The following SLC2A13 variants were observed in gnomAD, a reference collection of about 807,000 sequenced individuals.
The protein encoded by SLC2A13 is solute carrier family 2 member 13.
In SLC2A13, 32 loss-of-function variants were observed where a neutral mutation model predicts 64.4. The ratio of observed to expected loss-of-function variants is 0.50; its 90% CI spans 0.37 to 0.67. The LOEUF is 0.67. SLC2A13 is among the 30% of genes least tolerant of loss of function. The pLI, the probability that SLC2A13 is intolerant of heterozygous loss-of-function variation, is 0.00. For synonymous variants in SLC2A13, 338 were observed against 327.1 expected (o/e 1.03, Z -0.36); for missense variants, 743 against 829.2 (o/e 0.90, Z 1.28).
intron 7 of SLC2A13, among the ~76,000 whole-genome samples, chr12:39,785,611 C>A (rs1941158246): frequency 6.6e-6 from 1 of 152,088 alleles, no homozygotes; most frequent in African/African-American, 2.4e-5. Context: ...TCCTCCAGAC[C>A]CCAGAATGGT....
intron 9 of SLC2A13, among the ~76,000 whole-genome samples, chr12:39,761,855 A>G (rs890249484): frequency 1.3e-5 from 2 of 152,086 alleles, no homozygotes; most frequent in African/African-American, 2.4e-5. Context: ...ACTTTTAAAT[A>G]TAATAGTATA....
chr12:39,800,393 T>C (rs1018836112), intron 7 of SLC2A13, among the ~76,000 whole-genome samples: 1 of 150,576 alleles, frequency 6.6e-6, no homozygotes, highest in African/African-American at 2.5e-5. Flanking sequence ...TCAAACAAAT[T>C]TACAAGAAAA....
At chr12:39,888,785 C>T (rs1944529125) in intron 4 of SLC2A13, among the ~76,000 whole-genome samples, 1 of 151,984 alleles carries the variant, frequency 6.6e-6, no homozygotes, top group African/African-American at 2.4e-5. Flanking sequence ...CACAAGTAAC[C>T]AAAATTTTAT....
At chr12:39,815,479 A>G (rs1942314237) in intron 7 of SLC2A13, among the ~76,000 whole-genome samples, 1 of 152,180 alleles carries the variant, frequency 6.6e-6, no homozygotes, top group Non-Finnish European at 1.5e-5. Context: ...CTTTTCACCT[A>G]TTACTATCCT....
At chr12:39,790,544 T>C (rs949198474) in intron 7 of SLC2A13, among the ~76,000 whole-genome samples, 2 of 149,700 alleles carry the variant, frequency 1.3e-5, no homozygotes, top group Non-Finnish European at 3.0e-5. Flanking sequence ...ACAAAGGACA[T>C]GAACTCATCC....
At chr12:39,779,276 C>T (rs1940890295) in intron 7 of SLC2A13, among the ~76,000 whole-genome samples, 1 of 152,202 alleles carries the variant, frequency 6.6e-6, no homozygotes, top group African/African-American at 2.4e-5. Flanking sequence ...CTCAAATGTC[C>T]TTCTGAAACG....
chr12:39,760,349 C>A, intron 9 of SLC2A13, 97 bp from the exon 10 acceptor site: 1 of 1,095,638 alleles, frequency 9.1e-7, no homozygotes, highest in South Asian at 1.6e-5. Flanking sequence ...TCTGGTCAGT[C>A]ATGCATAATC....
At chr12:39,848,542 T>G (rs1039803492) in intron 6 of SLC2A13, among the ~76,000 whole-genome samples, 1 of 152,138 alleles carries the variant, frequency 6.6e-6, no homozygotes, top group African/African-American at 2.4e-5. Flanking sequence ...GGTGAGGTTG[T>G]GGAGAAAAGG....
intron 7 of SLC2A13, among the ~76,000 whole-genome samples, chr12:39,771,246 T>C (rs750247825): frequency 6.6e-6 from 1 of 152,136 alleles, no homozygotes; most frequent in Non-Finnish European, 1.5e-5. Flanking sequence ...TTCCTTTTTC[T>C]GGAGTGTGGG....
chr12:40,006,506 G>A (rs965898512), intron 3 of SLC2A13, among the ~76,000 whole-genome samples: 1 of 152,192 alleles, frequency 6.6e-6, no homozygotes, highest in South Asian at 2.1e-4. Context: ...TTCATTAAAT[G>A]TAAGCTTATT....
intron 4 of SLC2A13, among the ~76,000 whole-genome samples, chr12:39,944,668 C>T (rs1250806668): frequency 6.6e-6 from 1 of 152,222 alleles, no homozygotes; most frequent in Non-Finnish European, 1.5e-5. Context: ...CTACCCCCTG[C>T]TTGCTTTTGG....
At position 39,760,217 on chromosome 12, in the gene SLC2A13, C is replaced by G; in HGVS notation, c.1756G>C (p.Gly586Arg). The change falls in exon 10 of 10, where the codon GGA becomes CGA. Residue 586 changes from glycine to arginine, a missense_variant. This residue lies in a region of SLC2A13 where 295 missense variants were observed against 381.7 expected (regional missense o/e 0.77). Transcript: ENST00000280871. ...FFLYAGFAAVGLLFIYGCLPE... is the reference protein window; with the variant it reads ...FFLYAGFAAVRLLFIYGCLPE... ...AGACAGCCATAGATGAAAAGGAGTC[C>G]CACAGCAGCAAATCCAGCATAGAGG... 1 of 1,612,462 alleles carries G rather than the reference C, an allele frequency of 6.2e-7. No homozygotes were observed. Among genetic ancestry groups the G allele is most frequent in the Non-Finnish European group, 8.5e-7 (1 of 1,179,140 alleles).
At chr12:40,035,890 A>G (rs1358116652) in intron 2 of SLC2A13, among the ~76,000 whole-genome samples, 3 of 152,224 alleles carry the variant, frequency 2.0e-5, no homozygotes, top group Non-Finnish European at 4.4e-5. Context: ...ATCAATGAAT[A>G]TGGCATTTTG....
intron 4 of SLC2A13, among the ~76,000 whole-genome samples, chr12:39,899,449 T>C (rs1416332142): frequency 1.3e-5 from 2 of 152,184 alleles, no homozygotes; most frequent in Non-Finnish European, 2.9e-5. Context: ...ATTCATTAAC[T>C]TTTTAAAGGG....
chr12:40,039,760 C>T (rs192380889), intron 2 of SLC2A13, among the ~76,000 whole-genome samples: 1 of 152,348 alleles, frequency 6.6e-6, no homozygotes, highest in East Asian at 1.9e-4. Flanking sequence ...CAATTATCAA[C>T]ATCTTCCACC....
At chr12:39,773,354 A>T (rs1940654664) in intron 7 of SLC2A13, among the ~76,000 whole-genome samples, 1 of 152,202 alleles carries the variant, frequency 6.6e-6, no homozygotes, top group Admixed American at 6.5e-5. Flanking sequence ...AACCTGATAT[A>T]CAGACCAAAT....
chr12:39,795,818 G>A (rs1220834884), intron 7 of SLC2A13, among the ~76,000 whole-genome samples: 1 of 152,142 alleles, frequency 6.6e-6, no homozygotes, highest in African/African-American at 2.4e-5. Flanking sequence ...ATGGCTGAGG[G>A]AGGAAACTTC....
At chr12:39,844,273 G>A (rs1592197059) in intron 6 of SLC2A13, among the ~76,000 whole-genome samples, 1 of 152,054 alleles carries the variant, frequency 6.6e-6, no homozygotes, top group East Asian at 1.9e-4. Context: ...CAAGGCATAG[G>A]GTAGATAGAC....
intron 7 of SLC2A13, among the ~76,000 whole-genome samples, chr12:39,797,415 T>G (rs926472620): frequency 2.0e-5 from 3 of 152,200 alleles, no homozygotes; most frequent in Non-Finnish European, 4.4e-5. Context: ...CATTTATATG[T>G]TGGTTCTCTA....
Sources: gnomAD v4.1 joint callset for allele counts (sites outside exome capture counted in the v4.1 genomes callset) on GRCh38, gnomAD v4.1.1 for gene constraint, gnomAD v4.1.1 regional missense constraint, MANE v1.5 for transcripts, NCBI Gene and HGNC (gene_info 2026-07-23, HGNC 2026-07-21) for gene names.